The following SGCZ variants were observed in gnomAD, a reference collection of about 807,000 sequenced individuals.
SGCZ encodes sarcoglycan zeta.
A neutral mutation model predicts 41.3 loss-of-function variants in SGCZ; 40 were observed. The observed-to-expected ratio is 0.97, with a 90% CI of 0.75 to 1.26. The LOEUF (loss-of-function observed/expected upper bound fraction) is 1.26, where lower values mean the gene tolerates loss of function less well. SGCZ is among the 50% of genes most tolerant of loss of function. The pLI is 0.00. For missense variants in SGCZ, 552 were observed against 369.8 expected (o/e 1.49, Z -4.04); for synonymous variants, 206 against 137.5 (o/e 1.50, Z -3.49).
At chr8:14,367,982 G>A (rs760823432) in intron 2 of SGCZ, among the ~76,000 whole-genome samples, 1 of 151,984 alleles carries the variant, frequency 6.6e-6, no homozygotes, top group Admixed American at 6.6e-5. Flanking sequence ...TAGGTGGTAG[G>A]GATGTTACTG....
chr8:14,425,966 A>G (rs1799770916), intron 2 of SGCZ, among the ~76,000 whole-genome samples: 2 of 152,176 alleles, frequency 1.3e-5, no homozygotes, highest in African/African-American at 4.8e-5. Context: ...GTATTCCACA[A>G]TTTTAAAGCA....
intron 1 of SGCZ, among the ~76,000 whole-genome samples, chr8:14,726,043 G>C (rs1451441283): frequency 2.6e-5 from 4 of 151,788 alleles, no homozygotes; most frequent in East Asian, 1.9e-4. Context: ...CAAATCATGA[G>C]GTCAGGAGAT....
chr8:14,869,446 A>G (rs1205403665), intron 1 of SGCZ, among the ~76,000 whole-genome samples: 2 of 152,318 alleles, frequency 1.3e-5, no homozygotes, highest in East Asian at 3.9e-4. Flanking sequence ...TCTCAAAATA[A>G]TAAGAGCTAT....
intron 1 of SGCZ, among the ~76,000 whole-genome samples, chr8:15,230,912 G>A (rs1801919433): frequency 6.6e-6 from 1 of 152,156 alleles, no homozygotes; most frequent in Admixed American, 6.5e-5. Context: ...AGAATCCCTT[G>A]GCCAAGAAGG....
chr8:14,658,892 G>C lies in SGCZ; in HGVS notation c.40-103966C>G, dbSNP rs1807660123. 2.0e-5 allele frequency among the ~76,000 whole-genome samples: 3 copies of C among 150,722 alleles called. 1 individual carries two copies. Among genetic ancestry groups the C allele is most frequent in the Admixed American group, 2.0e-4 (3 of 15,110 alleles). ...AAAAAAAGAGAAAAGAAGAAAGAAA[G>C]AAAAAAATGAGGAAAGGAAGGAGGG... On this transcript the variant is annotated intron_variant, in intron 1 of 7. Transcript: ENST00000382080.
intron 1 of SGCZ, among the ~76,000 whole-genome samples, chr8:14,738,156 G>A (rs1322462550): frequency 6.6e-6 from 1 of 151,820 alleles, no homozygotes; most frequent in African/African-American, 2.4e-5. Context: ...AATTTCTTTG[G>A]GATCTCTACT....
chr8:14,222,636 A>G (rs888157535), intron 4 of SGCZ, among the ~76,000 whole-genome samples: 26 of 151,778 alleles, frequency 1.7e-4, no homozygotes, highest in African/African-American at 6.1e-4. Flanking sequence ...CCCATTATTT[A>G]TTGTTTTGAA....
At chr8:15,232,612 A>C (rs1477267710) in intron 1 of SGCZ, among the ~76,000 whole-genome samples, 3 of 150,698 alleles carry the variant, frequency 2.0e-5, no homozygotes, top group Middle Eastern at 3.3e-3. Context: ...AAATATTAAA[A>C]ATTCAAGATT....
At chr8:14,575,901 G>T (rs559726869) in intron 1 of SGCZ, among the ~76,000 whole-genome samples, 38 of 35,074 alleles carry the variant, frequency 1.1e-3, no homozygotes, top group South Asian at 1.7e-3. Flanking sequence ...GTGAGACCCT[G>T]TCTCAAAATA....
At chr8:15,212,554 A>C (rs1039093827) in intron 1 of SGCZ, among the ~76,000 whole-genome samples, 3 of 152,100 alleles carry the variant, frequency 2.0e-5, no homozygotes, top group African/African-American at 7.2e-5. Context: ...ATTTCAGTAT[A>C]TATTCTGTAG....
intron 3 of SGCZ, among the ~76,000 whole-genome samples, chr8:14,288,096 C>G (rs1200840506): frequency 1.3e-5 from 2 of 151,914 alleles, no homozygotes; most frequent in Admixed American, 6.6e-5. Context: ...TGACTTTTGA[C>G]CCATGAATAA....
At chr8:14,523,875 C>A (rs893609656) in intron 2 of SGCZ, among the ~76,000 whole-genome samples, 1 of 151,962 alleles carries the variant, frequency 6.6e-6, no homozygotes, top group African/African-American at 2.4e-5. Flanking sequence ...GTTATTTTTT[C>A]CCTACTCTGT....
At chr8:14,282,942 A>T (rs4831293) in intron 3 of SGCZ, among the ~76,000 whole-genome samples, 1 of 144,088 alleles carries the variant, frequency 6.9e-6, no homozygotes, top group South Asian at 2.2e-4. Context: ...CTCCGCCTCC[A>T]GGGTTCACGC....
intron 1 of SGCZ, among the ~76,000 whole-genome samples, chr8:14,726,311 C>T (rs868588138): frequency 4.0e-4 from 43 of 107,622 alleles, no homozygotes; most frequent in Non-Finnish European, 5.6e-4. Context: ...TGTGTAAATA[C>T]ATATATATAT....
chr8:15,224,835 T>G (rs1198381103), intron 1 of SGCZ, among the ~76,000 whole-genome samples: 1 of 152,148 alleles, frequency 6.6e-6, no homozygotes, highest in African/African-American at 2.4e-5. Context: ...AAAATAAACT[T>G]TATGGCAGAC....
At chr8:14,154,446 A>G (rs1002686963) in intron 5 of SGCZ, among the ~76,000 whole-genome samples, 2 of 152,204 alleles carry the variant, frequency 1.3e-5, no homozygotes, top group African/African-American at 4.8e-5. Context: ...AGTTCATGGT[A>G]TTTTGTTATG....
intron 2 of SGCZ, among the ~76,000 whole-genome samples, chr8:14,421,391 G>T (rs1263696032): frequency 6.6e-6 from 1 of 152,006 alleles, no homozygotes; most frequent in Non-Finnish European, 1.5e-5. Context: ...CACTGTTTTT[G>T]TAAAATGCAT....
intron 6 of SGCZ, among the ~76,000 whole-genome samples, chr8:14,104,527 T>C (rs151035527): frequency 6.6e-6 from 1 of 152,004 alleles, no homozygotes; most frequent in Non-Finnish European, 1.5e-5. Flanking sequence ...GAGGCAATTA[T>C]TAAATATTAA....
intron 3 of SGCZ, among the ~76,000 whole-genome samples, chr8:14,246,623 A>C (rs545644255): frequency 1.3e-5 from 2 of 151,800 alleles, no homozygotes; most frequent in African/African-American, 4.8e-5. Flanking sequence ...AATAAAAAGT[A>C]AAAGCTGGGC....
Sources: allele counts gnomAD v4.1 joint callset (sites outside exome capture counted in the v4.1 genomes callset), GRCh38; gene constraint gnomAD v4.1.1; transcripts MANE v1.5; gene names NCBI Gene and HGNC (gene_info 2026-07-23, HGNC 2026-07-21).